The following CHRM1 variants were observed in gnomAD, a reference collection of about 807,000 sequenced individuals.
CHRM1 encodes the protein cholinergic receptor muscarinic 1.
Under a neutral mutation model 31.6 loss-of-function variants are expected in CHRM1, and 5 were observed. That is an observed-to-expected ratio of 0.16 (90% CI 0.08 to 0.33). The LOEUF is 0.33. Among genes scored for constraint, CHRM1 ranks in the 10% least tolerant of loss-of-function variants. CHRM1 has a pLI of 1.00. For synonymous variants in CHRM1, 227 were observed against 249.7 expected, an observed-to-expected ratio of 0.91 and a Z score of 0.86; for missense variants, 338 against 610.3, an observed-to-expected ratio of 0.55 and a Z score of 4.70.
intron 1 of CHRM1, among the ~76,000 whole-genome samples, chr11:62,915,198 A>C (rs2085894273): frequency 6.6e-6 from 1 of 151,072 alleles, no homozygotes; most frequent in African/African-American, 2.4e-5. Flanking sequence ...AAAAAAAAAA[A>C]AAAAAGCTTG....
chr11:62,911,079 C>T lies in CHRM1; in HGVS notation c.22G>A (p.Ala8Thr), dbSNP rs1175650937. 6.2e-7 allele frequency: 1 copy of T among 1,613,848 alleles called. No homozygotes were observed. Among genetic ancestry groups the T allele is most frequent in the African/African-American group, 1.3e-5 (1 of 74,882 alleles). The change falls in exon 2 of 2, where the codon GCT becomes ACT. Residue 8 changes from alanine (A) to threonine (T), a missense_variant. Ala to Thr is a moderately conservative substitution (Grantham distance 58). Coordinates refer to ENST00000306960, the MANE Select transcript of CHRM1 (RefSeq NM_000738.3). MNTSAPP[A>T]VSPNITVLAP... ...AGGACGGTGATGTTGGGGCTGACAG[C>T]AGGTGGGGCTGAAGTGTTCATGGTG...
intron 1 of CHRM1, among the ~76,000 whole-genome samples, chr11:62,913,428 T>C (rs1024563855): frequency 1.3e-5 from 2 of 152,100 alleles, no homozygotes; most frequent in Non-Finnish European, 2.9e-5. Flanking sequence ...TCCCAGCACT[T>C]TGGGAGACCG....
chr11:62,911,986 G>C (rs1442465271), intron 1 of CHRM1, among the ~76,000 whole-genome samples: 3 of 152,126 alleles, frequency 2.0e-5, no homozygotes, highest in Non-Finnish European at 2.9e-5. Flanking sequence ...ACATACGTAT[G>C]TAGGGGGTGG....
At chr11:62,914,863 A>G (rs2085892172) in intron 1 of CHRM1, among the ~76,000 whole-genome samples, 1 of 152,188 alleles carries the variant, frequency 6.6e-6, no homozygotes, top group African/African-American at 2.4e-5. Flanking sequence ...CTGCCTGGGC[A>G]TGGTGCAGCC....
chr11:62,910,455 C>G lies in CHRM1; in HGVS notation c.646G>C (p.Glu216Gln), dbSNP rs775481630. The change falls in exon 2 of 2, where the codon GAG becomes CAG. Residue 216 changes from glutamate to glutamine, a missense_variant. Transcript: ENST00000306960. The surrounding 1 kb of genome is among the most constrained non-coding windows in gnomAD (Gnocchi z 8.7). ...GCTGCCAGCTCCCGTGCTCGGTTCTCTGTCTCCCGGTAGATGCGCCAGTAG... is the reference window on the plus strand; with the variant it reads ...GCTGCCAGCTCCCGTGCTCGGTTCTGTGTCTCCCGGTAGATGCGCCAGTAG... Reference protein sequence around the residue: ...TLYWRIYRETENRARELAALQ... With the variant: ...TLYWRIYRETQNRARELAALQ... 1 of 1,613,996 alleles carries G rather than the reference C, an allele frequency of 6.2e-7. No individual in the cohort carries two copies. Among genetic ancestry groups the G allele is most frequent in the South Asian group, 1.1e-5 (1 of 91,086 alleles).
chr11:62,917,320 G>C (rs1451899573), intron 1 of CHRM1, among the ~76,000 whole-genome samples: 1 of 152,210 alleles, frequency 6.6e-6, no homozygotes, highest in African/African-American at 2.4e-5. Flanking sequence ...AGGACAGCCA[G>C]CTGGTTGAAA....
intron 1 of CHRM1, among the ~76,000 whole-genome samples, chr11:62,915,694 A>AGTCG (rs930532871): frequency 4.6e-5 from 7 of 152,156 alleles, no homozygotes; most frequent in Non-Finnish European, 1.0e-4. Flanking sequence ...ATCAGTAACC[A>AGTCG]GTCGACCTTT....
rs60568977 is a variant in CHRM1, at chr11:62,908,743, T to C, written c.*975A>G. The C allele has an allele frequency of 0.029, 4,465 of 152,992 alleles. 228 individuals carry two copies. Among genetic ancestry groups the C allele is most frequent in the African/African-American group, 0.1 (4,219 of 41,550 alleles). The allele number at this position is 152,992 out of a possible 1,614,324, so 9.5% of individuals were successfully genotyped here. A position where few individuals can be genotyped will look rare whatever the true frequency, so the allele number is the denominator to read the frequency against. ...TTGCTGAGGATGAAAGGAAAGAACA[T>C]TTGGGGCCAGGCTGGGCCTGGAGAT... On this transcript the variant is annotated 3_prime_UTR_variant, in exon 2 of 2. Coordinates refer to ENST00000306960, the MANE Select transcript of CHRM1 (RefSeq NM_000738.3).
intron 1 of CHRM1, among the ~76,000 whole-genome samples, chr11:62,912,393 GA>G (rs141111946): frequency 2.0e-4 from 30 of 147,200 alleles, no homozygotes; most frequent in African/African-American, 5.2e-4. Flanking sequence ...AAACCAAAAG[GA>G]AAAAAAAAAG....
chr11:62,912,592 C>T lies in CHRM1; in HGVS notation c.-78-1414G>A, dbSNP rs144971859. Among the ~76,000 whole-genome samples, 776 of 152,278 alleles carry T rather than the reference C, an allele frequency of 5.1e-3. 5 individuals are homozygous for T. The highest frequency in any genetic ancestry group is 8.2e-3 in the Non-Finnish European group (559 of 68,020). On this transcript the variant is annotated intron_variant, in intron 1 of 1. Coordinates refer to ENST00000306960, the MANE Select transcript of CHRM1 (RefSeq NM_000738.3). Reference sequence around the variant, plus strand: ...CTTTTCTTGGATCTGGAATCTGCTCCAGGCACTAAGCCTGGGTAAAGAGAA... The same window carrying T: ...CTTTTCTTGGATCTGGAATCTGCTCTAGGCACTAAGCCTGGGTAAAGAGAA...
Position 62,909,503 on chromosome 11 carries a change from A to G in CHRM1, c.*215T>C. The G allele has an allele frequency of 1.7e-6, 1 of 598,534 alleles. No homozygotes were observed. Among genetic ancestry groups the G allele is most frequent in the Non-Finnish European group, 2.9e-6 (1 of 343,386 alleles). The allele number at this position is 598,534 out of a possible 1,614,324, so 37.1% of individuals were successfully genotyped here. On this transcript the variant is annotated 3_prime_UTR_variant, in exon 2 of 2. Transcript: ENST00000306960. The stretch of plus-strand genomic sequence containing the variant: ...AGCGCATTCCCACCCAGCAGGGAAC[A>G]GAAAAACCAGTTCCCCGGGTTTCCC...
intron 1 of CHRM1, chr11:62,917,070 A>G (rs2085904205): frequency 6.6e-6 from 1 of 152,282 alleles, no homozygotes; most frequent in African/African-American, 2.4e-5. Context: ...AGCTCAGGAG[A>G]AGATTCCTGG....
chr11:62,919,631 A>G (rs2085920409), intron 1 of CHRM1, among the ~76,000 whole-genome samples: 1 of 151,716 alleles, frequency 6.6e-6, no homozygotes, highest in South Asian at 2.1e-4. Flanking sequence ...CCTTGTAGGC[A>G]TCACCATGGC....
rs1024928108 is a variant in CHRM1 at position 62,909,820 on chromosome 11, G to A, written c.1281C>T (p.Asp427=). The change falls in exon 2 of 2, where the codon GAC becomes GAT. Residue 427 remains aspartate, a synonymous_variant. Transcript: ENST00000306960. ...GGCAAAGCAGCAGCAGGCGAAAGGT[G>A]TCCCGGAAGGCTTTGTTGCAGAGTG... ...CYALCNKAFR[D]TFRLLLLCRW... The A allele has an allele frequency of 1.9e-6, 3 of 1,614,164 alleles. No homozygotes were observed. In the African/African-American group the frequency reaches 4.0e-5, roughly 22 times the overall value.
rs749186493 is a variant in CHRM1 at position 62,909,883 on chromosome 11, C to T, written c.1218G>A (p.Leu406=). Residue 406 remains leucine, a synonymous_variant, in exon 2 of 2, where the codon CTG becomes CTA. Coordinates refer to ENST00000306960, the MANE Select transcript of CHRM1 (RefSeq NM_000738.3). ...GGTTGATGGTGCTGTTGACGTAGCA[C>T]AGCCAGTAGCCCAGCTCCCACAGGG... ...PETLWELGYW[L]CYVNSTINPM... is the part of the protein sequence containing the mutation. 6.2e-7 allele frequency: 1 copy of T among 1,614,256 alleles called. No homozygotes were observed. The highest frequency in any genetic ancestry group is 8.5e-7 in the Non-Finnish European group (1 of 1,180,036).
rs1446172481 is a variant in CHRM1, at chr11:62,911,184, AAG to A, written c.-78-8_-78-7del. 1 of 1,326,070 alleles carries A rather than the reference AAG, an allele frequency of 7.5e-7. No individual in the cohort carries two copies. Among genetic ancestry groups the A allele is most frequent in the Non-Finnish European group, 1.0e-6 (1 of 958,686 alleles). The allele number at this position is 1,326,070 out of a possible 1,614,324, so 82.1% of individuals were successfully genotyped here. On this transcript the variant is annotated splice_region_variant and splice_polypyrimidine_tract_variant and intron_variant, in intron 1 of 1. Transcript: ENST00000306960. ...CCTCAGGGGAAAGTCATCACCTGAA[AAG>A]AGAGGACATGGGCTTTGGTTGGGCC...
chr11:62,921,118 A>C (rs991123303), intron 1 of CHRM1, 100 bp downstream of exon 1: 1 of 152,396 alleles, frequency 6.6e-6, no homozygotes, highest in African/African-American at 2.4e-5. Flanking sequence ...GTCCATCCCT[A>C]TTTCCATCTC....
At chr11:62,913,671 C>CAAAAA (rs35385223) in intron 1 of CHRM1, among the ~76,000 whole-genome samples, 5 of 83,390 alleles carry the variant, frequency 6.0e-5, no homozygotes, top group African/African-American at 8.1e-5. Context: ...AACTCTGTCT[C>CAAAAA]AAAAAAAAAA....
intron 1 of CHRM1, chr11:62,920,581 T>A (rs563156869): frequency 6.6e-6 from 1 of 152,216 alleles, no homozygotes; most frequent in Non-Finnish European, 1.5e-5. Context: ...CCACCTTCCC[T>A]GGCTAGTGTG....
Sources: allele counts gnomAD v4.1 joint callset (sites outside exome capture counted in the v4.1 genomes callset), GRCh38; gene constraint gnomAD v4.1.1; non-coding constraint Gnocchi (gnomAD v3.1); transcripts MANE v1.5; gene names NCBI Gene and HGNC (gene_info 2026-07-23, HGNC 2026-07-21).